PPP4R1: variants seen among roughly 807,000 people sequenced by gnomAD.
The protein encoded by PPP4R1 is serine/threonine-protein phosphatase 4 regulatory subunit 1.
Under a neutral mutation model 111.2 loss-of-function variants are expected in PPP4R1, and 42 were observed. That is an observed-to-expected ratio of 0.38 (90% CI 0.29 to 0.49). The LOEUF (loss-of-function observed/expected upper bound fraction) is 0.49. Among genes scored for constraint, PPP4R1 ranks in the 20% least tolerant of loss-of-function variants. The probability of loss-of-function intolerance (pLI) is 0.97; values close to 1 mark genes in which losing one functional copy is unlikely to be tolerated. For missense variants in PPP4R1, 1,012 were observed against 1,161.6 expected (o/e 0.87, Z 1.87); for synonymous variants, 409 against 405.5 (o/e 1.01, Z -0.10).
At chr18:9,572,401 G>T (rs1858060942) in intron 10 of PPP4R1, among the ~76,000 whole-genome samples, 1 of 152,178 alleles carries the variant, frequency 6.6e-6, no homozygotes, top group Admixed American at 6.5e-5. Flanking sequence ...CACAGAGATT[G>T]ATGAAATAAC....
Position 9,576,589 on chromosome 18 carries a change from T to C in PPP4R1, c.1046+475A>G, listed in dbSNP as rs533320733. Among the ~76,000 whole-genome samples, 6 of 152,248 alleles carry C rather than the reference T, an allele frequency of 3.9e-5. No individual in the cohort carries two copies. The South Asian group carries it at 6.2e-4, about 16-fold the overall frequency. On this transcript the variant is annotated intron_variant, in intron 10 of 19. Coordinates refer to ENST00000400556, the MANE Select transcript of PPP4R1 (RefSeq NM_001042388.3). ...TTTAACTGACAGATTACAATCACCATTGACAAAGAATCCAAGATGCGCAAC... is the reference window on the plus strand; with the variant it reads ...TTTAACTGACAGATTACAATCACCACTGACAAAGAATCCAAGATGCGCAAC...
At chr18:9,562,631 C>T (rs2066696838) in intron 12 of PPP4R1, among the ~76,000 whole-genome samples, 2 of 152,154 alleles carry the variant, frequency 1.3e-5, no homozygotes, top group Admixed American at 1.3e-4. Flanking sequence ...TACCACATGC[C>T]ATCCAACAGA....
intron 2 of PPP4R1, among the ~76,000 whole-genome samples, chr18:9,605,218 A>G (rs1190664343): frequency 2.0e-5 from 3 of 152,184 alleles, no homozygotes; most frequent in Non-Finnish European, 4.4e-5. Context: ...GTTACCTTAT[A>G]AAGATTTGGG....
At chr18:9,582,649 G>A (rs1276469390) in intron 9 of PPP4R1, among the ~76,000 whole-genome samples, 2 of 152,106 alleles carry the variant, frequency 1.3e-5, no homozygotes, top group East Asian at 3.8e-4. Flanking sequence ...AAACAGTAGA[G>A]GAGGGAACAT....
At chr18:9,558,252 G>C (rs530626549) in intron 14 of PPP4R1, among the ~76,000 whole-genome samples, 1 of 152,092 alleles carries the variant, frequency 6.6e-6, no homozygotes, top group Non-Finnish European at 1.5e-5. Flanking sequence ...GACAGATGAA[G>C]GCAGAGATGT....
chr18:9,555,952 C>T (rs181336003), intron 15 of PPP4R1, among the ~76,000 whole-genome samples: 355 of 150,132 alleles, frequency 2.4e-3, no homozygotes, highest in South Asian at 3.8e-3. Context: ...CTGGCCAACA[C>T]GGTGAAACCC....
At chr18:9,598,014 T>C (rs1188247444) in intron 2 of PPP4R1, among the ~76,000 whole-genome samples, 1 of 152,102 alleles carries the variant, frequency 6.6e-6, no homozygotes, top group African/African-American at 2.4e-5. Flanking sequence ...TAAATTGATC[T>C]TTTAGAGATG....
intron 18 of PPP4R1, 110 bp downstream of exon 18, chr18:9,549,942 G>C: frequency 6.8e-7 from 1 of 1,471,530 alleles, no homozygotes; most frequent in Non-Finnish European, 9.2e-7. Flanking sequence ...GCTACTATAA[G>C]GTTCTGTTCC....
intron 11 of PPP4R1, 65 bp from the exon 12 acceptor site, chr18:9,563,615 T>C (rs2066714334): frequency 1.4e-6 from 2 of 1,406,850 alleles, no homozygotes; most frequent in Admixed American, 2.1e-5. Flanking sequence ...ACAAGGCTGT[T>C]CTCCATTTGC....
At chr18:9,567,271 G>C (rs1221553465) in intron 11 of PPP4R1, among the ~76,000 whole-genome samples, 1 of 152,222 alleles carries the variant, frequency 6.6e-6, no homozygotes, top group Non-Finnish European at 1.5e-5. Flanking sequence ...ACTGTAGGTA[G>C]GGTAAAAATA....
At chr18:9,597,292 C>A (rs1248747592) in intron 2 of PPP4R1, among the ~76,000 whole-genome samples, 1 of 152,158 alleles carries the variant, frequency 6.6e-6, no homozygotes, top group Non-Finnish European at 1.5e-5. Context: ...TTCCAGAGCA[C>A]TAGGAGGGTC....
Position 9,588,873 on chromosome 18 carries a change from G to T in PPP4R1, c.296-20C>A. 6.2e-7 allele frequency: 1 copy of T among 1,610,376 alleles called. No individual in the cohort carries two copies. The highest frequency in any genetic ancestry group is 1.3e-5 in the African/African-American group (1 of 74,816). On this transcript the variant is annotated intron_variant, in intron 4 of 19. Transcript: ENST00000400556. ...TTGGTTCTATTGAAATAACGGCAAT[G>T]TGAGCAAACATGTTCTCCTGCAGCA...
chr18:9,571,415 C>G (rs1056426084), intron 10 of PPP4R1, among the ~76,000 whole-genome samples: 1 of 152,176 alleles, frequency 6.6e-6, no homozygotes, highest in Non-Finnish European at 1.5e-5. Context: ...TTAAATTTAA[C>G]AGGCATTTAT....
chr18:9,580,071 A>G (rs528777908), intron 9 of PPP4R1, among the ~76,000 whole-genome samples: 2 of 152,348 alleles, frequency 1.3e-5, no homozygotes, highest in South Asian at 4.1e-4. Context: ...AAGCCGATAC[A>G]GGATATAACA....
In PPP4R1 at chr18:9,549,354, A is replaced by G; in HGVS notation, c.2548-16T>C. ...CAATGACAGTCTGGGGAAGAGAAACAGCTGCTCTAGGCTTCTCTGTCAATG... is the reference window on the plus strand; with the variant it reads ...CAATGACAGTCTGGGGAAGAGAAACGGCTGCTCTAGGCTTCTCTGTCAATG... On this transcript the variant is annotated splice_polypyrimidine_tract_variant and intron_variant, in intron 18 of 19. Coordinates refer to ENST00000400556, the MANE Select transcript of PPP4R1 (RefSeq NM_001042388.3). 1 of 1,591,402 alleles carries G rather than the reference A, an allele frequency of 6.3e-7. No individual in the cohort carries two copies. Among genetic ancestry groups the G allele is most frequent in the Non-Finnish European group, 8.6e-7 (1 of 1,160,896 alleles).
intron 4 of PPP4R1, 132 bp downstream of exon 4, chr18:9,593,636 G>C (rs2067246482): frequency 2.5e-6 from 2 of 790,416 alleles, no homozygotes; most frequent in Non-Finnish European, 3.9e-6. Context: ...TCACTGATGG[G>C]TTTGATAATT....
chr18:9,600,536 T>C (rs1598955495), intron 2 of PPP4R1, among the ~76,000 whole-genome samples: 1 of 152,162 alleles, frequency 6.6e-6, no homozygotes, highest in Non-Finnish European at 1.5e-5. Flanking sequence ...ACCATTAGGT[T>C]GAAAATAGTT....
intron 15 of PPP4R1, among the ~76,000 whole-genome samples, chr18:9,555,073 G>A (rs1418252309): frequency 2.0e-5 from 3 of 152,152 alleles, no homozygotes; most frequent in Non-Finnish European, 2.9e-5. Flanking sequence ...AGGCTAAGGC[G>A]GGGCAGATCA....
intron 15 of PPP4R1, among the ~76,000 whole-genome samples, chr18:9,554,422 C>T (rs111388625): frequency 0.1 from 15,577 of 151,982 alleles, 1,312 homozygotes; most frequent in East Asian, 0.41. Flanking sequence ...AGCCACTGTG[C>T]CCAGCCACAA....
Sources: gnomAD v4.1 joint callset for allele counts (sites outside exome capture counted in the v4.1 genomes callset) on GRCh38, gnomAD v4.1.1 for gene constraint, MANE v1.5 for transcripts, NCBI Gene and HGNC (gene_info 2026-07-23, HGNC 2026-07-21) for gene names.